EDARADD: variants seen among roughly 807,000 people sequenced by gnomAD.
EDARADD encodes the protein EDAR associated via death domain.
Under a neutral mutation model 25.6 loss-of-function variants are expected in EDARADD, and 20 were observed. The ratio of observed to expected loss-of-function variants is 0.78; its 90% CI spans 0.55 to 1.14. The LOEUF (loss-of-function observed/expected upper bound fraction) is 1.14. Ranked by LOEUF, EDARADD falls within the 50% of genes most tolerant of loss-of-function variation. The pLI is 0.00. For missense variants in EDARADD, 225 were observed against 270.1 expected, an observed-to-expected ratio of 0.83 and a Z score of 1.17; for synonymous variants, 86 against 94.4, an observed-to-expected ratio of 0.91 and a Z score of 0.52.
chr1:236,404,802 C>CA (rs893422569), intron 1 of EDARADD, among the ~76,000 whole-genome samples: 1 of 151,380 alleles, frequency 6.6e-6, no homozygotes, highest in Admixed American at 6.6e-5. Flanking sequence ...GACGCCGTCT[C>CA]AAAAAAAATG....
intron 4 of EDARADD, among the ~76,000 whole-genome samples, chr1:236,460,598 A>G (rs2103031811): frequency 6.6e-6 from 1 of 152,354 alleles, no homozygotes; most frequent in South Asian, 2.1e-4. Flanking sequence ...GTGTGAAGTT[A>G]TTACAGTAAT....
At chr1:236,359,565 C>A (rs1464587190) in intron 3 of EDARADD, among the ~76,000 whole-genome samples, 1 of 152,156 alleles carries the variant, frequency 6.6e-6, no homozygotes, top group Non-Finnish European at 1.5e-5. Flanking sequence ...CTAGACTGGG[C>A]AATTTACAAA....
At chr1:236,413,195 T>C (rs186773623) in intron 2 of EDARADD, among the ~76,000 whole-genome samples, 3 of 152,354 alleles carry the variant, frequency 2.0e-5, no homozygotes, top group Admixed American at 2.0e-4. Context: ...AATGTTCTAG[T>C]ACAGGTTTGT....
intron 5 of EDARADD, among the ~76,000 whole-genome samples, chr1:236,480,096 CATATATATATATATATATATATATATAT>C (rs72215388): frequency 7.7e-5 from 6 of 77,834 alleles, no homozygotes; most frequent in Admixed American, 1.4e-4. Context: ...TTAAGTATGC[CATATATATATATATATATATATATATAT>C]ATATATATAT....
chr1:236,410,363 T>C (rs115099961), intron 2 of EDARADD, among the ~76,000 whole-genome samples: 5,700 of 152,230 alleles, frequency 0.037, 328 homozygotes, highest in African/African-American at 0.13. Flanking sequence ...TTTCTGTTTC[T>C]GAGTTATTTC....
chr1:236,462,421 G>A (rs542764347), intron 4 of EDARADD, among the ~76,000 whole-genome samples: 9 of 152,192 alleles, frequency 5.9e-5, no homozygotes, highest in African/African-American at 2.2e-4. Flanking sequence ...TGGGGTCTCG[G>A]TGCAGGAGCT....
intron 4 of EDARADD, among the ~76,000 whole-genome samples, chr1:236,434,846 A>C (rs1293546727): frequency 6.6e-6 from 1 of 152,136 alleles, no homozygotes; most frequent in Admixed American, 6.5e-5. Flanking sequence ...TGGGATCCTA[A>C]GGGGACTTGA....
At chr1:236,383,482 C>T (rs1667323209) in intron 3 of EDARADD, among the ~76,000 whole-genome samples, 1 of 151,584 alleles carries the variant, frequency 6.6e-6, no homozygotes, top group Non-Finnish European at 1.5e-5. Flanking sequence ...CACCATCCTT[C>T]TTCACCTGGT....
At chr1:236,454,311 G>A (rs1409419999) in intron 4 of EDARADD, among the ~76,000 whole-genome samples, 2 of 152,156 alleles carry the variant, frequency 1.3e-5, no homozygotes, top group African/African-American at 4.8e-5. Flanking sequence ...GCCTCCCAAA[G>A]TACTGGGATT....
At chr1:236,356,157 TG>T (rs1475822780) in intron 3 of EDARADD, among the ~76,000 whole-genome samples, 1 of 152,140 alleles carries the variant, frequency 6.6e-6, no homozygotes, top group Non-Finnish European at 1.5e-5. Flanking sequence ...AGTTATTTTA[TG>T]GCTTTCAGGG....
chr1:236,368,864 T>C (rs1432506890), intron 3 of EDARADD, among the ~76,000 whole-genome samples: 1 of 152,236 alleles, frequency 6.6e-6, no homozygotes, highest in Non-Finnish European at 1.5e-5. Context: ...TCTGTATCAA[T>C]CATTTGACAA....
At chr1:236,393,830 T>C (rs751659154), upstream of EDARADD, among the ~76,000 whole-genome samples, 12 of 152,212 alleles carry the variant, frequency 7.9e-5, no homozygotes, top group African/African-American at 1.2e-4. Flanking sequence ...AATTACTTTT[T>C]TTGTAAAGTG....
chr1:236,432,825 C>T (rs576975994), intron 4 of EDARADD, among the ~76,000 whole-genome samples: 11 of 151,860 alleles, frequency 7.2e-5, no homozygotes, highest in African/African-American at 2.7e-4. Context: ...AGGAAGGTTC[C>T]AGTGAGCCGA....
intron 3 of EDARADD, among the ~76,000 whole-genome samples, chr1:236,377,944 T>G (rs1047636039): frequency 5.3e-5 from 8 of 152,150 alleles, no homozygotes; most frequent in African/African-American, 1.9e-4. Flanking sequence ...CTGCTGGACA[T>G]GATATACTGG....
At chr1:236,480,602 A>G (rs991249743) in intron 5 of EDARADD, among the ~76,000 whole-genome samples, 1 of 152,178 alleles carries the variant, frequency 6.6e-6, no homozygotes, top group African/African-American at 2.4e-5. Context: ...TCAATGTTAT[A>G]TATATAGTAA....
chr1:236,375,005 T>G (rs1667210767), intron 3 of EDARADD, among the ~76,000 whole-genome samples: 1 of 152,014 alleles, frequency 6.6e-6, no homozygotes, highest in Non-Finnish European at 1.5e-5. Context: ...CTGCTTTTTG[T>G]GATTTTAATG....
chr1:236,414,489 G>A (rs1657584069), intron 3 of EDARADD, among the ~76,000 whole-genome samples, 190 bp downstream of exon 3: 1 of 151,914 alleles, frequency 6.6e-6, no homozygotes. Context: ...TTTTAACCTT[G>A]CAATAGAAAT....
intron 4 of EDARADD, among the ~76,000 whole-genome samples, chr1:236,438,933 A>G (rs1388646526): frequency 3.9e-5 from 6 of 152,216 alleles, no homozygotes; most frequent in Non-Finnish European, 7.3e-5. Flanking sequence ...GTCTGATGAC[A>G]TGTATCCACC....
At chr1:236,390,944 G>A (rs2385384), upstream of EDARADD, among the ~76,000 whole-genome samples, 119,710 of 149,564 alleles carry the variant, frequency 0.8, 48,544 homozygotes, top group East Asian at 0.92. Flanking sequence ...TGGGTTAGTT[G>A]TTATTATTAT....
Sources: allele counts gnomAD v4.1 joint callset (sites outside exome capture counted in the v4.1 genomes callset), GRCh38; gene constraint gnomAD v4.1.1; transcripts MANE v1.5; gene names NCBI Gene and HGNC (gene_info 2026-07-23, HGNC 2026-07-21).